Variants in SCFD1 observed in about 807,000 individuals in gnomAD.
SCFD1 encodes sec1 family domain containing 1.
A neutral mutation model predicts 103.2 loss-of-function variants in SCFD1; 37 were observed. The ratio of observed to expected loss-of-function variants is 0.36; its 90% CI spans 0.28 to 0.47. The LOEUF (loss-of-function observed/expected upper bound fraction) is 0.47. Ranked by LOEUF, SCFD1 falls within the 20% of genes least tolerant of loss-of-function variation. SCFD1 has a pLI of 1.00. For synonymous variants in SCFD1, 264 were observed against 245.0 expected (o/e 1.08, Z -0.73); for missense variants, 639 against 761.2 (o/e 0.84, Z 1.89).
chr14:30,656,255 C>T (rs1183189714), intron 10 of SCFD1, among the ~76,000 whole-genome samples: 1 of 152,076 alleles, frequency 6.6e-6, no homozygotes, highest in Non-Finnish European at 1.5e-5. Context: ...GCCACTGCAC[C>T]CGGACAGAAA....
At chr14:30,673,878 T>G in intron 12 of SCFD1, 46 bp from the exon 13 acceptor site, 1 of 1,289,564 alleles carries the variant, frequency 7.8e-7, no homozygotes, top group Non-Finnish European at 1.1e-6. Flanking sequence ...TTTATGCTTG[T>G]GCCTGGGATT....
At position 30,622,331 on chromosome 14, in the gene SCFD1, G is replaced by A. The variant is rs1277186567; in HGVS notation, c.-8G>A. 5 of 1,583,346 alleles carry A rather than the reference G, an allele frequency of 3.2e-6. No individual in the cohort carries two copies. In the South Asian group the frequency reaches 3.4e-5, roughly 11 times the overall value. On this transcript the variant is annotated 5_prime_UTR_variant, in exon 1 of 25. Coordinates refer to ENST00000458591, the MANE Select transcript of SCFD1 (RefSeq NM_016106.4). ...TCCCCAGCCGGGCAGTGGCTCGTGG[G>A]AGCCAAGATGGCGGCGGCGGCGGCA...
chr14:30,729,247 G>A (rs57167763), intron 23 of SCFD1, among the ~76,000 whole-genome samples: 5,408 of 151,854 alleles, frequency 0.036, 135 homozygotes, highest in Middle Eastern at 0.061. Context: ...AGTTTATTTC[G>A]GCGAAGTCCA....
intron 19 of SCFD1, among the ~76,000 whole-genome samples, chr14:30,714,334 CTGGGCGACAGAG>C (rs1309839687): frequency 1.3e-5 from 2 of 149,436 alleles, no homozygotes; most frequent in African/African-American, 5.0e-5. Flanking sequence ...GCAGTCCGGC[CTGGGCGACAGAG>C]CGAGACTCCG....
At chr14:30,636,634 G>C (rs931710209) in intron 4 of SCFD1, among the ~76,000 whole-genome samples, 1 of 152,008 alleles carries the variant, frequency 6.6e-6, no homozygotes, top group Non-Finnish European at 1.5e-5. Flanking sequence ...TCTCTTGCTT[G>C]ATAGCAAGTT....
chr14:30,658,502 C>T (rs950877598), intron 10 of SCFD1: 1 of 154,242 alleles, frequency 6.5e-6, no homozygotes, highest in Non-Finnish European at 1.4e-5. Context: ...GAGCGATTCT[C>T]CTGCCTCAGC....
intron 7 of SCFD1, among the ~76,000 whole-genome samples, chr14:30,647,354 T>A (rs1885941671): frequency 6.6e-6 from 1 of 152,142 alleles, no homozygotes; most frequent in South Asian, 2.1e-4. Context: ...CTCCCTCCTT[T>A]CAGGGATTTT....
At chr14:30,712,520 T>A (rs775731774) in intron 19 of SCFD1, among the ~76,000 whole-genome samples, 2 of 152,224 alleles carry the variant, frequency 1.3e-5, no homozygotes, top group Non-Finnish European at 2.9e-5. Flanking sequence ...TTTAAGTTTT[T>A]GTGCATATTT....
Position 30,679,683 on chromosome 14 carries a change from C to CT in SCFD1, c.1242+4633dup, listed in dbSNP as rs34886498. 1.7e-3 allele frequency among the ~76,000 whole-genome samples: 244 copies of CT among 147,004 alleles called. 1 individual carries two copies. Among genetic ancestry groups the CT allele is most frequent in the Middle Eastern group, 7.0e-3 (2 of 286 alleles). On this transcript the variant is annotated intron_variant, in intron 14 of 24. Transcript: ENST00000458591. ...CTGTTTTATTCTTCACATAAACTGA[C>CT]TTTTTTTTTTTTTTTAACATTAACT...
At chr14:30,673,464 A>C in intron 12 of SCFD1, 117 bp downstream of exon 12, 1 of 509,986 alleles carries the variant, frequency 2.0e-6, no homozygotes, top group East Asian at 3.1e-5. Context: ...TTTTATAACA[A>C]AAATATTTTC....
chr14:30,734,156 C>T (rs1893671564), intron 23 of SCFD1, among the ~76,000 whole-genome samples: 1 of 152,126 alleles, frequency 6.6e-6, no homozygotes, highest in Non-Finnish European at 1.5e-5. Context: ...CCTCAAATTA[C>T]TTTGTTCTAG....
chr14:30,696,404 A>G (rs1005841534), intron 15 of SCFD1, among the ~76,000 whole-genome samples: 1 of 152,212 alleles, frequency 6.6e-6, no homozygotes, highest in Non-Finnish European at 1.5e-5. Flanking sequence ...GAAACAAAAA[A>G]AACATGTTGA....
chr14:30,720,587 A>G (rs1407949861), intron 21 of SCFD1, among the ~76,000 whole-genome samples: 1 of 152,196 alleles, frequency 6.6e-6, no homozygotes, highest in Non-Finnish European at 1.5e-5. Context: ...GGTTGAATCT[A>G]TACAGAGCAT....
At chr14:30,683,396 A>G in intron 14 of SCFD1, 1 of 540,566 alleles carries the variant, frequency 1.8e-6, no homozygotes. Flanking sequence ...ATATTGTGGC[A>G]GCTGCTCCAT....
At chr14:30,701,915 G>C (rs1891107981) in intron 16 of SCFD1, among the ~76,000 whole-genome samples, 1 of 152,170 alleles carries the variant, frequency 6.6e-6, no homozygotes, top group Non-Finnish European at 1.5e-5. Flanking sequence ...GCTCCCCTCA[G>C]TTGGTGTCAT....
chr14:30,632,665 T>C (rs1884300240), intron 3 of SCFD1, among the ~76,000 whole-genome samples: 1 of 152,188 alleles, frequency 6.6e-6, no homozygotes, highest in Admixed American at 6.5e-5. Context: ...CTGTACTAAG[T>C]GTTTAACTCC....
chr14:30,690,467 C>T (rs1375915724), intron 14 of SCFD1, among the ~76,000 whole-genome samples: 4 of 105,954 alleles, frequency 3.8e-5, no homozygotes, highest in African/African-American at 1.1e-4. Context: ...AGCGAGATTC[C>T]GTGGGCGTAG....
At chr14:30,651,072 T>C (rs1886353552) in intron 9 of SCFD1, among the ~76,000 whole-genome samples, 1 of 152,128 alleles carries the variant, frequency 6.6e-6, no homozygotes. Flanking sequence ...TTAGCATTTC[T>C]AGCATAAGTA....
chr14:30,682,590 C>A (rs754192525), intron 14 of SCFD1, among the ~76,000 whole-genome samples: 1 of 152,178 alleles, frequency 6.6e-6, no homozygotes, highest in Non-Finnish European at 1.5e-5. Context: ...AGTTATCTTG[C>A]AGGGCACTAT....
Sources: gnomAD v4.1 joint callset for allele counts (sites outside exome capture counted in the v4.1 genomes callset) on GRCh38, gnomAD v4.1.1 for gene constraint, MANE v1.5 for transcripts, NCBI Gene and HGNC (gene_info 2026-07-23, HGNC 2026-07-21) for gene names.